CHLSN: variants seen among roughly 807,000 people sequenced by gnomAD.
CHLSN encodes the protein cholesin, also known as protein cholesin.
At chr7:987,113 G>T in the CHLSN span, 1 of 1,549,484 alleles carries the variant, frequency 6.5e-7, no homozygotes, top group South Asian at 1.2e-5. Context: ...GCAGGGGGAT[G>T]ACCCCGAGGG....
the CHLSN span, among the ~76,000 whole-genome samples, chr7:1,126,036 A>G: frequency 6.6e-6 from 1 of 152,212 alleles, no homozygotes; most frequent in Non-Finnish European, 1.5e-5. Flanking sequence ...GAAGATAAAC[A>G]TGATACAGTA....
chr7:1,038,656 TG>T, the CHLSN span, among the ~76,000 whole-genome samples: 1 of 85,002 alleles, frequency 1.2e-5, no homozygotes, highest in African/African-American at 4.9e-5. Context: ...GGGAGGGAGG[TG>T]GGGGGGTCAG....
the CHLSN span, among the ~76,000 whole-genome samples, chr7:1,064,845 C>T: frequency 3.3e-5 from 5 of 152,326 alleles, no homozygotes; most frequent in South Asian, 8.3e-4. Context: ...AAGCCCCAGC[C>T]CACCCCACAC....
chr7:1,017,805 C>T, the CHLSN span, among the ~76,000 whole-genome samples: 2 of 152,226 alleles, frequency 1.3e-5, no homozygotes, highest in Non-Finnish European at 2.9e-5. Flanking sequence ...TGCCCCCGCC[C>T]CCCACTGCAC....
the CHLSN span, among the ~76,000 whole-genome samples, chr7:1,019,218 G>A: frequency 7.3e-6 from 1 of 137,330 alleles, no homozygotes; most frequent in Admixed American, 7.2e-5. Context: ...AAAACGGGGG[G>A]GGGGGAGTGA....
the CHLSN span, chr7:1,093,636 G>T: frequency 2.1e-6 from 1 of 471,298 alleles, no homozygotes; most frequent in South Asian, 1.5e-5. Flanking sequence ...GTGTGGGTTA[G>T]TCGGGTGCCA....
At chr7:981,088 G>A in the CHLSN span, among the ~76,000 whole-genome samples, 2 of 151,172 alleles carry the variant, frequency 1.3e-5, no homozygotes, top group East Asian at 2.0e-4. Flanking sequence ...TTGAGGTCAG[G>A]AGCTCGAGAT....
the CHLSN span, among the ~76,000 whole-genome samples, chr7:1,059,708 TGGGTCTTAGCGGGGC>T: frequency 2.6e-4 from 1 of 3,850 alleles, no homozygotes; most frequent in South Asian, 0.011. Flanking sequence ...TGTAGTGAGG[TGGGTCTTAGCGGGGC>T]GGGTCTTAGG....
the CHLSN span, chr7:984,956 T>G: frequency 1.9e-6 from 3 of 1,600,056 alleles, no homozygotes; most frequent in South Asian, 3.3e-5. Flanking sequence ...ACAGGCATCT[T>G]CTTCTCATCT....
chr7:993,501 C>T, the CHLSN span, among the ~76,000 whole-genome samples: 3 of 152,082 alleles, frequency 2.0e-5, no homozygotes, highest in East Asian at 1.9e-4. Flanking sequence ...CACTGGGCAC[C>T]GAGTCATCCA....
At chr7:1,093,535 G>T in the CHLSN span, 80,444 of 470,740 alleles carry the variant, frequency 0.17, 8,508 homozygotes, top group African/African-American at 0.39. Flanking sequence ...TCTGTGGAGC[G>T]CCCGCCGTCT....
At chr7:1,047,498 A>G in the CHLSN span, among the ~76,000 whole-genome samples, 19 of 152,270 alleles carry the variant, frequency 1.2e-4, no homozygotes, top group Non-Finnish European at 1.3e-4. Context: ...AACCCTGTGA[A>G]AACAGCAGCC....
chr7:983,488 T>A, the CHLSN span: 1 of 1,215,740 alleles, frequency 8.2e-7, no homozygotes. Context: ...TGTTCCCACA[T>A]GGTGCCGGGC....
chr7:1,079,016 TG>T, the CHLSN span, among the ~76,000 whole-genome samples: 1 of 150,216 alleles, frequency 6.7e-6, no homozygotes, highest in Non-Finnish European at 1.5e-5. Context: ...TGCTGGTGAA[TG>T]GCCGGCTGAG....
chr7:995,459 A>G, the CHLSN span, among the ~76,000 whole-genome samples: 6 of 152,224 alleles, frequency 3.9e-5, no homozygotes, highest in African/African-American at 1.4e-4. Context: ...TACCCACCCC[A>G]TTTCCCTTTC....
the CHLSN span, among the ~76,000 whole-genome samples, chr7:1,129,675 T>C: frequency 1.3e-5 from 2 of 152,196 alleles, no homozygotes; most frequent in Non-Finnish European, 2.9e-5. Flanking sequence ...AACCCCTTGG[T>C]TCCAGCCATC....
the CHLSN span, chr7:1,127,299 C>G: frequency 1.2e-5 from 19 of 1,611,806 alleles, no homozygotes; most frequent in Non-Finnish European, 1.6e-5. Context: ...CCTCAGGGCC[C>G]AGCAGTGGCC....
chr7:1,028,272 T>C, the CHLSN span: 1 of 1,085,558 alleles, frequency 9.2e-7, no homozygotes, highest in Non-Finnish European at 1.1e-6. Context: ...GACCCGGCTG[T>C]CAGGTCCCGC....
chr7:1,019,168 T>C, the CHLSN span, among the ~76,000 whole-genome samples: 1 of 114,626 alleles, frequency 8.7e-6, no homozygotes, highest in Non-Finnish European at 1.7e-5. Context: ...CACTCCAGCC[T>C]GGGCAATAGA....
Sources: allele counts gnomAD v4.1 joint callset (sites outside exome capture counted in the v4.1 genomes callset), GRCh38; gene constraint gnomAD v4.1.1; transcripts MANE v1.5; gene names NCBI Gene and HGNC (gene_info 2026-07-23, HGNC 2026-07-21).